The following UBE3A variants were observed in gnomAD, a reference collection of about 807,000 sequenced individuals.
UBE3A encodes ubiquitin-protein ligase E3A.
A neutral mutation model predicts 83.4 loss-of-function variants in UBE3A; 6 were observed. The observed-to-expected ratio is 0.07, with a 90% CI of 0.04 to 0.14. The LOEUF (loss-of-function observed/expected upper bound fraction) is 0.14, where lower values mean the gene tolerates loss of function less well. Ranked by LOEUF, UBE3A falls within the 10% of genes least tolerant of loss-of-function variation. UBE3A has a pLI of 1.00. For missense variants in UBE3A, 456 were observed against 1,036.1 expected (o/e 0.44, Z 7.69); for synonymous variants, 337 against 355.4 (o/e 0.95, Z 0.58).
chr15:25,365,780 A>G (rs1182134745), intron 6 of UBE3A, among the ~76,000 whole-genome samples: 1 of 151,850 alleles, frequency 6.6e-6, no homozygotes, highest in Non-Finnish European at 1.5e-5. Context: ...AAAAAGAAAG[A>G]AAGGCTAGCT....
At chr15:25,380,111 T>C (rs1032727021) in intron 4 of UBE3A, among the ~76,000 whole-genome samples, 1 of 152,128 alleles carries the variant, frequency 6.6e-6, no homozygotes, top group South Asian at 2.1e-4. Flanking sequence ...CTGATGGTTT[T>C]ATCAGGGGTT....
intron 1 of UBE3A, chr15:25,418,937 A>G (rs897406273): frequency 6.6e-6 from 1 of 152,194 alleles, no homozygotes; most frequent in Non-Finnish European, 1.5e-5. Context: ...CGAATCCCTT[A>G]TATAAAATGG....
chr15:25,406,745 C>A, intron 3 of UBE3A, among the ~76,000 whole-genome samples: 1 of 149,968 alleles, frequency 6.7e-6, no homozygotes, highest in Non-Finnish European at 1.5e-5. Context: ...TTCTAAATTT[C>A]TTAGCTAAAA....
At chr15:25,354,713 TTATAA>T (rs763813429) in intron 9 of UBE3A, 30 bp from the exon 10 acceptor site, 1 of 1,595,878 alleles carries the variant, frequency 6.3e-7, no homozygotes, top group Non-Finnish European at 8.6e-7. Flanking sequence ...CAAGAACTTC[TTATAA>T]TATGCTATGC....
intron 4 of UBE3A, among the ~76,000 whole-genome samples, chr15:25,381,764 C>T (rs2082211802): frequency 6.6e-6 from 1 of 152,034 alleles, no homozygotes; most frequent in Non-Finnish European, 1.5e-5. Context: ...CAACGGTATC[C>T]TAAATAGTTC....
chr15:25,371,429 T>C lies in UBE3A; in HGVS notation c.745A>G (p.Ile249Val), dbSNP rs951801729. The change falls in exon 6 of 13, where the codon ATT (isoleucine) becomes GTT (valine). Residue 249 changes from isoleucine to valine, a missense_variant. Ile to Val is a conservative substitution (Grantham distance 29). Transcript: ENST00000648336. The surrounding 1 kb of genome is among the most constrained non-coding windows in gnomAD (Gnocchi z 5.3). ...VYTRLLSNEK[I>V]ETAFLNALVY... ...AGTGCATTGAGAAAGGCAGTTTCAA[T>C]TTTTTCATTAGAGAGCAATCTGGTG... 6.2e-7 allele frequency: 1 copy of C among 1,614,158 alleles called. No homozygotes were observed. Among genetic ancestry groups the C allele is most frequent in the Admixed American group, 1.7e-5 (1 of 60,028 alleles).
chr15:25,365,971 T>C (rs2079038630), intron 6 of UBE3A, among the ~76,000 whole-genome samples: 1 of 152,218 alleles, frequency 6.6e-6, no homozygotes. Flanking sequence ...CCTGGAATCC[T>C]GACTTCTATT....
chr15:25,363,072 A>T (rs2078389455), intron 6 of UBE3A, among the ~76,000 whole-genome samples: 1 of 152,164 alleles, frequency 6.6e-6, no homozygotes, highest in Non-Finnish European at 1.5e-5. Context: ...TCTACCTAAG[A>T]CATGTCAAAT....
At chr15:25,402,697 G>GTC (rs1567085954) in intron 4 of UBE3A, among the ~76,000 whole-genome samples, 1 of 152,200 alleles carries the variant, frequency 6.6e-6, no homozygotes, top group African/African-American at 2.4e-5. Context: ...CAGGTGAACA[G>GTC]TCTCTCTCTC....
At position 25,334,143 on chromosome 15, in the gene UBE3A, A is replaced by G. The variant is rs924739028; in HGVS notation, c.*4994T>C. ...TAATAGGAATCTAGACTGGAAAGGA[A>G]GAAGTAAAAGTATTTCTGTTCACAG... is the stretch of plus-strand genomic sequence containing the variant. On this transcript the variant is annotated 3_prime_UTR_variant, in exon 13 of 13. Transcript: ENST00000648336. 6.6e-6 allele frequency: 1 copy of G among 152,188 alleles called. No individual in the cohort carries two copies. Among genetic ancestry groups the G allele is most frequent in the Non-Finnish European group, 1.5e-5 (1 of 68,036 alleles). 9.4% of individuals were successfully genotyped at this position (152,188 alleles called of 1,614,324 possible). A position where few individuals can be genotyped will look rare whatever the true frequency, so the allele number is the denominator to read the frequency against.
intron 4 of UBE3A, among the ~76,000 whole-genome samples, chr15:25,400,483 T>C (rs2086815831): frequency 6.6e-6 from 1 of 152,234 alleles, no homozygotes; most frequent in Non-Finnish European, 1.5e-5. Context: ...TATTTTTTTC[T>C]CAAATATTTT....
chr15:25,396,559 G>A (rs2085621493), intron 4 of UBE3A, among the ~76,000 whole-genome samples: 1 of 152,206 alleles, frequency 6.6e-6, no homozygotes. Context: ...GGAATTCAAA[G>A]TTGTAGTGAG....
At chr15:25,366,357 G>C (rs947149793) in intron 6 of UBE3A, among the ~76,000 whole-genome samples, 8 of 152,186 alleles carry the variant, frequency 5.3e-5, no homozygotes, top group African/African-American at 1.9e-4. Context: ...TGTTTCACTA[G>C]TAAGAGTGTT....
chr15:25,356,635 T>G (rs2077256403), intron 8 of UBE3A, 56 bp downstream of exon 8: 2 of 1,531,544 alleles, frequency 1.3e-6, no homozygotes, highest in Admixed American at 3.6e-5. Context: ...TAAATTAAAT[T>G]TTTGCATTTA....
intron 4 of UBE3A, among the ~76,000 whole-genome samples, chr15:25,394,988 G>A (rs892930947): frequency 3.3e-5 from 5 of 152,114 alleles, no homozygotes; most frequent in Non-Finnish European, 5.9e-5. Context: ...GCAAGTTAAG[G>A]GGAATGCAGA....
chr15:25,339,109 TTTTTGTTTTATTTTGTTTTG>T lies in UBE3A; in HGVS notation c.*8_*27del. 6.8e-7 allele frequency: 1 copy of T among 1,478,584 alleles called. No homozygotes were observed. The highest frequency in any genetic ancestry group is 2.3e-4 in the Middle Eastern group (1 of 4,294). The allele number at this position is 1,478,584 out of a possible 1,614,324, so 91.6% of individuals were successfully genotyped here. ...TTTTTTCTTTTTTTTTCCTTCCTTT[TTTTTGTTTTATTTTGTTTTG>T]TTTTGTTTTACAGCATGCCAAATCC... On this transcript the variant is annotated 3_prime_UTR_variant, in exon 13 of 13. Coordinates refer to ENST00000648336, the MANE Select transcript of UBE3A (RefSeq NM_130839.5).
rs374601913 is a variant in UBE3A at position 25,356,713 on chromosome 15, C to G, written c.1937G>C (p.Arg646Pro). Reference sequence around the variant, plus strand: ...TACTGGGTGAGAGTCTCCCAAGTCACGAAAAGTTCCTTTTTTCCCCATTAG... The same window carrying G: ...TACTGGGTGAGAGTCTCCCAAGTCAGGAAAAGTTCCTTTTTTCCCCATTAG... The part of the protein sequence containing the change: ...RKLMGKKGTF[R>P]DLGDSHPVLY... The change falls in exon 8 of 13, where the codon CGT becomes CCT. Residue 646 changes from arginine (R) to proline (P), a missense_variant. Physicochemically the swap from Arg to Pro is moderately radical, Grantham distance 103. Around this residue, in one of 13 missense-constraint regions of UBE3A, gnomAD observed 18 missense variants for 17.6 expected, o/e 1.02. Coordinates refer to ENST00000648336, the MANE Select transcript of UBE3A (RefSeq NM_130839.5). 2 of 1,613,154 alleles carry G rather than the reference C, an allele frequency of 1.2e-6. No individual in the cohort carries two copies. Among genetic ancestry groups the G allele is most frequent in the Non-Finnish European group, 1.7e-6 (2 of 1,179,824 alleles).
chr15:25,359,838 C>T (rs2077778391), intron 7 of UBE3A, among the ~76,000 whole-genome samples: 1 of 152,182 alleles, frequency 6.6e-6, no homozygotes, highest in Admixed American at 6.5e-5. Flanking sequence ...TCAATAACAA[C>T]TCTTCTGTTA....
At chr15:25,344,748 G>C (rs985846034) in intron 11 of UBE3A, among the ~76,000 whole-genome samples, 1 of 151,972 alleles carries the variant, frequency 6.6e-6, no homozygotes, top group African/African-American at 2.4e-5. Flanking sequence ...TGTTTTTCAA[G>C]GTAATCAAAT....
Sources: allele counts gnomAD v4.1 joint callset (sites outside exome capture counted in the v4.1 genomes callset), GRCh38; gene constraint gnomAD v4.1.1; regional missense constraint gnomAD v4.1.1; non-coding constraint Gnocchi (gnomAD v3.1); transcripts MANE v1.5; gene names NCBI Gene and HGNC (gene_info 2026-07-23, HGNC 2026-07-21).